CELSR1: variants seen among roughly 807,000 people sequenced by gnomAD.
The protein encoded by CELSR1 is adhesion G protein-coupled receptor C1.
A neutral mutation model predicts 249.1 loss-of-function variants in CELSR1; 110 were observed. The observed-to-expected ratio is 0.44, with a 90% confidence interval of 0.38 to 0.52. The LOEUF (loss-of-function observed/expected upper bound fraction) is 0.52. Ranked by LOEUF, CELSR1 falls within the 20% of genes least tolerant of loss-of-function variation. The probability of loss-of-function intolerance (pLI) is 0.00; values close to 1 mark genes in which losing one functional copy is unlikely to be tolerated. For synonymous variants in CELSR1, 2,113 were observed against 1,900.0 expected, an observed-to-expected ratio of 1.11 and a Z score of -2.92; for missense variants, 4,109 against 4,296.4, an observed-to-expected ratio of 0.96 and a Z score of 1.22.
rs1363022883 is a variant in CELSR1 at position 46,402,344 on chromosome 22, G to T, written c.5227-2442C>A. Among the ~76,000 whole-genome samples, 1 of 151,794 alleles carries T rather than the reference G, an allele frequency of 6.6e-6. No homozygotes were observed. Among genetic ancestry groups the T allele is most frequent in the East Asian group, 1.9e-4 (1 of 5,134 alleles). On this transcript the variant is annotated intron_variant, in intron 9 of 34. Coordinates refer to ENST00000674500, the MANE Select transcript of CELSR1 (RefSeq NM_001378328.1). This position sits in a 1 kb window ranked among gnomAD's most constrained non-coding sequence, Gnocchi z 5.0. ...TGATTCTCCTGCCTCAGCCTCCCGAGTAGCTGAGATACAGGTACCCACCAC... is the reference window on the plus strand; with the variant it reads ...TGATTCTCCTGCCTCAGCCTCCCGATTAGCTGAGATACAGGTACCCACCAC...
chr22:46,456,474 A>G (rs1056544417), intron 2 of CELSR1, among the ~76,000 whole-genome samples: 4 of 152,010 alleles, frequency 2.6e-5, no homozygotes, highest in Non-Finnish European at 5.9e-5. Context: ...CATGGTTAAC[A>G]AGGTGACACC....
Position 46,374,252 on chromosome 22 carries a change from T to C in CELSR1, c.7585-1195A>G, listed in dbSNP as rs891015067. Among the ~76,000 whole-genome samples, 1 of 152,048 alleles carries C rather than the reference T, an allele frequency of 6.6e-6. No individual in the cohort carries two copies. The highest frequency in any genetic ancestry group is 1.5e-5 in the Non-Finnish European group (1 of 67,984). ...CAGGAAAAGGAAGGGGGTGAGAAGG[T>C]TGGTTGGCTGGATGGCTGCTTCAAG... is the stretch of plus-strand genomic sequence containing the variant. On this transcript the variant is annotated intron_variant, in intron 24 of 34. Coordinates refer to ENST00000674500, the MANE Select transcript of CELSR1 (RefSeq NM_001378328.1). This position sits in a 1 kb window ranked among gnomAD's most constrained non-coding sequence, Gnocchi z 4.3.
Position 46,473,038 on chromosome 22 carries a change from A to C in CELSR1, c.3545-8693T>G, listed in dbSNP as rs924669135. ...GGGGGGACGTTAGTCAACCCCGGGA[A>C]TGCAGAGTAGCGGAGAGACACGGGC... On this transcript the variant is annotated intron_variant, in intron 1 of 34. Coordinates refer to ENST00000674500, the MANE Select transcript of CELSR1 (RefSeq NM_001378328.1). This position sits in a 1 kb window ranked among gnomAD's most constrained non-coding sequence, Gnocchi z 6.6. Among the ~76,000 whole-genome samples, 3 of 152,178 alleles carry C rather than the reference A, an allele frequency of 2.0e-5. No individual in the cohort carries two copies. The highest frequency in any genetic ancestry group is 4.4e-5 in the Non-Finnish European group (3 of 68,040).
At chr22:46,507,335 G>C (rs955354212) in intron 1 of CELSR1, among the ~76,000 whole-genome samples, 3 of 152,130 alleles carry the variant, frequency 2.0e-5, no homozygotes, top group Non-Finnish European at 4.4e-5. Flanking sequence ...CTGAAGTCGG[G>C]GGGGTAGCCA....
intron 1 of CELSR1, among the ~76,000 whole-genome samples, chr22:46,528,655 G>A (rs932738798): frequency 2.0e-5 from 3 of 152,304 alleles, no homozygotes; most frequent in East Asian, 1.9e-4. Flanking sequence ...GAGGCCAGAC[G>A]CGGTGGCTCA....
chr22:46,486,580 C>A (rs926015245), intron 1 of CELSR1, among the ~76,000 whole-genome samples: 2 of 148,074 alleles, frequency 1.4e-5, no homozygotes, highest in East Asian at 4.1e-4. Context: ...CAGGGGCTCA[C>A]GCCTGTAATC....
Position 46,468,385 on chromosome 22 carries a change from CAA to C in CELSR1, c.3545-4042_3545-4041del, listed in dbSNP as rs34099713. On this transcript the variant is annotated intron_variant, in intron 1 of 34. Transcript: ENST00000674500. The surrounding 1 kb of genome is among the most constrained non-coding windows in gnomAD (Gnocchi z 4.5). ...TGGGCAACAAAGCAAGACTCTGTCT[CAA>C]AAAAAAAAAAAAATGTGGTCCATGC... Among the ~76,000 whole-genome samples the C allele has an allele frequency of 6.8e-3, 966 of 141,702 alleles. 1 individual carries two copies. Among genetic ancestry groups the C allele is most frequent in the Non-Finnish European group, 1.0e-2 (651 of 65,114 alleles). 93.0% of individuals were successfully genotyped at this position (141,702 alleles called of 152,430 possible).
Position 46,363,322 on chromosome 22 carries a change from A to C in CELSR1, c.9036-75T>G, listed in dbSNP as rs2078726728. The C allele has an allele frequency of 1.6e-6, 2 of 1,233,394 alleles. No individual in the cohort carries two copies. Among genetic ancestry groups the C allele is most frequent in the South Asian group, 1.3e-5 (1 of 79,278 alleles). The allele number at this position is 1,233,394 out of a possible 1,614,324, so 76.4% of individuals were successfully genotyped here. A position where few individuals can be genotyped will look rare whatever the true frequency, so the allele number is the denominator to read the frequency against. On this transcript the variant is annotated intron_variant, in intron 34 of 34. Coordinates refer to ENST00000674500, the MANE Select transcript of CELSR1 (RefSeq NM_001378328.1). The surrounding 1 kb of genome is among the most constrained non-coding windows in gnomAD (Gnocchi z 4.3). ...CGGCTTGGTGGGGCCCAAGGTTGTC[A>C]CACGGGGGGGCAGGATCACCCCATC... is the stretch of plus-strand genomic sequence containing the variant.
chr22:46,458,966 C>G (rs748135516), intron 2 of CELSR1, among the ~76,000 whole-genome samples: 5 of 152,050 alleles, frequency 3.3e-5, no homozygotes, highest in Non-Finnish European at 7.4e-5. Flanking sequence ...GATCTCGGGT[C>G]ACTGCAACTT....
Position 46,364,621 on chromosome 22 carries a change from C to T in CELSR1, c.8670G>A (p.Val2890=). ...TGCCCTGCTCCTCGCGGTGCAGCTC[C>T]ACGCTGACCTTGGTCTCCACCTTCA... ...PRLKVETKVS[V]ELHREEQGSH... is the part of the protein sequence containing the mutation. The change falls in exon 33 of 35, where the codon GTG becomes GTA. Residue 2890 remains valine (V), a synonymous_variant. Transcript: ENST00000674500. 6.2e-7 allele frequency: 1 copy of T among 1,612,722 alleles called. No individual in the cohort carries two copies. The highest frequency in any genetic ancestry group is 2.2e-5 in the East Asian group (1 of 44,880).
chr22:46,399,967 G>A lies in CELSR1; in HGVS notation c.5227-65C>T. The A allele has an allele frequency of 6.6e-7, 1 of 1,516,608 alleles. No individual in the cohort carries two copies. Among genetic ancestry groups the A allele is most frequent in the Non-Finnish European group, 9.0e-7 (1 of 1,106,620 alleles). 93.9% of individuals were successfully genotyped at this position (1,516,608 alleles called of 1,614,324 possible). A position where few individuals can be genotyped will look rare whatever the true frequency, so the allele number is the denominator to read the frequency against. On this transcript the variant is annotated intron_variant, in intron 9 of 34. Transcript: ENST00000674500. The surrounding 1 kb of genome is among the most constrained non-coding windows in gnomAD (Gnocchi z 5.0). ...ACAATGAAAGAGAAAACATTTTGCA[G>A]TCACTTAAACAAGGAAGCTGTGAAA...
intron 2 of CELSR1, among the ~76,000 whole-genome samples, chr22:46,455,189 C>G (rs2878862): frequency 6.6e-6 from 1 of 152,036 alleles, no homozygotes; most frequent in Non-Finnish European, 1.5e-5. Flanking sequence ...GGGACCTTGG[C>G]TTTGAATTTC....
In CELSR1 at chr22:46,473,277, C is replaced by G. The variant is rs1156808905; in HGVS notation, c.3545-8932G>C. ...AGGTGACTCGGGCTGAGTGGCGGGG[C>G]CCAGATTAACCTGAGGCCAAGTCCC... is the stretch of plus-strand genomic sequence containing the variant. On this transcript the variant is annotated intron_variant, in intron 1 of 34. Transcript: ENST00000674500. This position sits in a 1 kb window ranked among gnomAD's most constrained non-coding sequence, Gnocchi z 6.6. Among the ~76,000 whole-genome samples the G allele has an allele frequency of 1.1e-4, 16 of 152,028 alleles. No individual in the cohort carries two copies. Among genetic ancestry groups the G allele is most frequent in the Non-Finnish European group, 4.4e-5 (3 of 68,002 alleles).
At chr22:46,367,180 G>A (rs878866048) in intron 28 of CELSR1, 62 bp from the exon 29 acceptor site, 50 of 1,571,010 alleles carry the variant, frequency 3.2e-5, no homozygotes, top group African/African-American at 8.1e-5. Flanking sequence ...GCCCTTAGGC[G>A]CCCCAGCACA....
chr22:46,416,500 C>G (rs2079403569), intron 5 of CELSR1, among the ~76,000 whole-genome samples: 1 of 152,246 alleles, frequency 6.6e-6, no homozygotes. Flanking sequence ...GCAGCGCACA[C>G]AGTGACTGGA....
In CELSR1 at chr22:46,480,379, T is replaced by C. The variant is rs1413091535; in HGVS notation, c.3545-16034A>G. On this transcript the variant is annotated intron_variant, in intron 1 of 34. Coordinates refer to ENST00000674500, the MANE Select transcript of CELSR1 (RefSeq NM_001378328.1). ...ACATCCACATCCTGATGACCAGAAA[T>C]GGGGATCCTTTCAAAGTTCTTATCC... is the stretch of plus-strand genomic sequence containing the variant. Among the ~76,000 whole-genome samples, 2 of 152,176 alleles carry C rather than the reference T, an allele frequency of 1.3e-5. 1 individual carries two copies. Among genetic ancestry groups the C allele is most frequent in the Non-Finnish European group, 2.9e-5 (2 of 68,022 alleles).
rs947680588 is a variant in CELSR1, at chr22:46,454,195, G to A, written c.4183+9512C>T. On this transcript the variant is annotated intron_variant, in intron 2 of 34. Transcript: ENST00000674500. This position sits in a 1 kb window ranked among gnomAD's most constrained non-coding sequence, Gnocchi z 5.1. ...GACCAGGTGGCCTCCAGCAGCTGAGGAAGGCAGAGCAGGAGGCCCTCCCCA... is the reference window on the plus strand; with the variant it reads ...GACCAGGTGGCCTCCAGCAGCTGAGAAAGGCAGAGCAGGAGGCCCTCCCCA... 6.6e-6 allele frequency among the ~76,000 whole-genome samples: 1 copy of A among 152,182 alleles called. No homozygotes were observed. The highest frequency in any genetic ancestry group is 6.5e-5 in the Admixed American group (1 of 15,284).
intron 1 of CELSR1, among the ~76,000 whole-genome samples, chr22:46,519,735 G>A (rs1332507265): frequency 2.0e-5 from 3 of 152,180 alleles, no homozygotes; most frequent in Admixed American, 6.5e-5. Context: ...CCAGAAACAC[G>A]AAGCCTTCCT....
rs1022715877 is a variant in CELSR1 at position 46,473,060 on chromosome 22, G to A, written c.3545-8715C>T. On this transcript the variant is annotated intron_variant, in intron 1 of 34. Coordinates refer to ENST00000674500, the MANE Select transcript of CELSR1 (RefSeq NM_001378328.1). The surrounding 1 kb of genome is among the most constrained non-coding windows in gnomAD (Gnocchi z 6.6). The stretch of plus-strand genomic sequence containing the variant: ...GGAATGCAGAGTAGCGGAGAGACAC[G>A]GGCACGGAGGCAGGGGGTGGGTGAA... Among the ~76,000 whole-genome samples the A allele has an allele frequency of 2.0e-5, 3 of 152,122 alleles. No homozygotes were observed. The East Asian group carries it at 5.8e-4, about 29-fold the overall frequency.
Sources: allele counts gnomAD v4.1 joint callset (sites outside exome capture counted in the v4.1 genomes callset), GRCh38; gene constraint gnomAD v4.1.1; non-coding constraint Gnocchi (gnomAD v3.1); transcripts MANE v1.5; gene names NCBI Gene and HGNC (gene_info 2026-07-23, HGNC 2026-07-21).